Variants in SLC10A7 observed in about 807,000 individuals in gnomAD.
SLC10A7 encodes sodium/bile acid cotransporter 7.
In SLC10A7, 29 loss-of-function variants were observed where a neutral mutation model predicts 43.2. The ratio of observed to expected loss-of-function variants is 0.67; its 90% CI spans 0.50 to 0.92. The LOEUF is 0.92. Ranked by LOEUF, SLC10A7 falls within the 40% of genes least tolerant of loss-of-function variation. The probability of loss-of-function intolerance (pLI) is 0.00; values close to 1 mark genes in which losing one functional copy is unlikely to be tolerated. For missense variants in SLC10A7, 295 were observed against 403.2 expected, an observed-to-expected ratio of 0.73 and a Z score of 2.30; for synonymous variants, 152 against 144.8, an observed-to-expected ratio of 1.05 and a Z score of -0.35.
intron 5 of SLC10A7, among the ~76,000 whole-genome samples, chr4:146,415,818 A>G (rs1005229517): frequency 2.0e-5 from 3 of 152,208 alleles, no homozygotes; most frequent in African/African-American, 7.2e-5. Flanking sequence ...TATTTGCAGT[A>G]TGACTATTTT....
At chr4:146,357,555 A>C (rs984330219) in intron 5 of SLC10A7, among the ~76,000 whole-genome samples, 1 of 152,214 alleles carries the variant, frequency 6.6e-6, no homozygotes, top group African/African-American at 2.4e-5. Flanking sequence ...ACCTTAAAAC[A>C]ACAACCATGC....
At chr4:146,464,778 A>G (rs1468061960) in intron 4 of SLC10A7, among the ~76,000 whole-genome samples, 2 of 152,170 alleles carry the variant, frequency 1.3e-5, no homozygotes, top group Non-Finnish European at 2.9e-5. Context: ...TTTATGTAGA[A>G]TGATTTTAGG....
intron 5 of SLC10A7, among the ~76,000 whole-genome samples, chr4:146,351,335 A>G (rs1735084147): frequency 6.6e-6 from 1 of 151,822 alleles, no homozygotes; most frequent in South Asian, 2.1e-4. Context: ...TTAGAGAAAA[A>G]AGAATAAAAA....
At chr4:146,335,475 G>C (rs4835032) in intron 5 of SLC10A7, among the ~76,000 whole-genome samples, 124,242 of 151,854 alleles carry the variant, frequency 0.82, 51,635 homozygotes, top group African/African-American at 0.95. Flanking sequence ...TCTTTTATAA[G>C]AGGCAGAAAG....
At chr4:146,312,388 C>T (rs930150240) in intron 6 of SLC10A7, among the ~76,000 whole-genome samples, 3 of 152,088 alleles carry the variant, frequency 2.0e-5, no homozygotes, top group Non-Finnish European at 4.4e-5. Flanking sequence ...TATGATAAAG[C>T]TATTTAACAT....
intron 5 of SLC10A7, among the ~76,000 whole-genome samples, chr4:146,353,890 A>G (rs1226193666): frequency 7.5e-6 from 1 of 132,964 alleles, no homozygotes; most frequent in African/African-American, 2.9e-5. Flanking sequence ...ACGTATTTCA[A>G]AAAAATAAGA....
In SLC10A7 at chr4:146,355,948, G is replaced by A. The variant is rs1325471513; in HGVS notation, c.436-29952C>T. On this transcript the variant is annotated intron_variant, in intron 5 of 11. Transcript: ENST00000335472. Reference sequence around the variant, plus strand: ...AGACATACCTAATGCTAGATGACGCGTTAGTGGGTGCAGCGCACCAGCATG... The same window carrying A: ...AGACATACCTAATGCTAGATGACGCATTAGTGGGTGCAGCGCACCAGCATG... Among the ~76,000 whole-genome samples the A allele has an allele frequency of 1.3e-4, 19 of 150,152 alleles. No individual in the cohort carries two copies. The East Asian group carries it at 1.6e-3, about 12-fold the overall frequency.
intron 5 of SLC10A7, among the ~76,000 whole-genome samples, chr4:146,347,010 T>C (rs1332933017): frequency 1.3e-5 from 2 of 151,974 alleles, no homozygotes; most frequent in East Asian, 1.9e-4. Context: ...GGCCAGATAA[T>C]GGGGTTAAGG....
intron 3 of SLC10A7, among the ~76,000 whole-genome samples, chr4:146,505,085 GA>G (rs1196663805): frequency 2.0e-5 from 3 of 152,116 alleles, no homozygotes; most frequent in African/African-American, 7.2e-5. Context: ...CAGAGTATCT[GA>G]CTTAGATTTT....
chr4:146,323,689 T>C (rs191133648), intron 6 of SLC10A7, among the ~76,000 whole-genome samples: 148 of 152,262 alleles, frequency 9.7e-4, no homozygotes, highest in African/African-American at 3.4e-3. Context: ...TGGCTTAGGA[T>C]TGACTTGGCA....
chr4:146,519,352 T>G (rs186321781), intron 1 of SLC10A7, among the ~76,000 whole-genome samples: 314 of 146,324 alleles, frequency 2.1e-3, no homozygotes, highest in African/African-American at 6.3e-3. Context: ...TATCTATATA[T>G]AGAGAGAGAT....
intron 10 of SLC10A7, among the ~76,000 whole-genome samples, chr4:146,277,312 G>A (rs1450229020): frequency 6.6e-6 from 1 of 151,940 alleles, no homozygotes; most frequent in Non-Finnish European, 1.5e-5. Context: ...TAGAACCCTG[G>A]GGACTTTCTA....
At position 146,355,482 on chromosome 4, in the gene SLC10A7, G is replaced by A. The variant is rs1264538879; in HGVS notation, c.436-29486C>T. ...CAACCATTGTGGAAGTCAGTGTGGC[G>A]ATTCCTCAGGGATCTAGAACTAGAA... On this transcript the variant is annotated intron_variant, in intron 5 of 11. Coordinates refer to ENST00000335472, the MANE Select transcript of SLC10A7 (RefSeq NM_001029998.6). 8.5e-3 allele frequency among the ~76,000 whole-genome samples: 1,284 copies of A among 151,784 alleles called. 26 individuals are homozygous for A. The highest frequency in any genetic ancestry group is 0.029 in the African/African-American group (1,201 of 41,346).
chr4:146,283,299 T>C, intron 9 of SLC10A7, 34 bp from the exon 10 acceptor site: 3 of 1,571,618 alleles, frequency 1.9e-6, no homozygotes, highest in Non-Finnish European at 8.8e-7. Context: ...CAAATACTTT[T>C]ATAAAAAGCC....
intron 4 of SLC10A7, among the ~76,000 whole-genome samples, chr4:146,498,387 G>A (rs965037329): frequency 9.9e-5 from 15 of 151,770 alleles, no homozygotes; most frequent in Admixed American, 9.9e-4. Context: ...CAAAGTCCTG[G>A]GATTACAGAC....
At chr4:146,372,712 G>C (rs2149780813) in intron 5 of SLC10A7, among the ~76,000 whole-genome samples, 1 of 152,242 alleles carries the variant, frequency 6.6e-6, no homozygotes, top group African/African-American at 2.4e-5. Flanking sequence ...ATGAGTTACT[G>C]AAATATTTTG....
intron 5 of SLC10A7, among the ~76,000 whole-genome samples, chr4:146,370,744 CT>C (rs1371191092): frequency 6.6e-6 from 1 of 152,166 alleles, no homozygotes; most frequent in African/African-American, 2.4e-5. Context: ...ACTCTTCTTA[CT>C]TTCTTTGTCT....
At chr4:146,307,063 G>A (rs568407054) in intron 6 of SLC10A7, among the ~76,000 whole-genome samples, 1 of 152,280 alleles carries the variant, frequency 6.6e-6, no homozygotes, top group Admixed American at 6.5e-5. Context: ...GCTACATGAA[G>A]TCAATAGCTC....
chr4:146,519,095 A>G (rs1738323134), intron 1 of SLC10A7, among the ~76,000 whole-genome samples: 1 of 109,968 alleles, frequency 9.1e-6, no homozygotes, highest in African/African-American at 3.7e-5. Flanking sequence ...ATATATATAT[A>G]TATATATATA....
Sources: gnomAD v4.1 joint callset for allele counts (sites outside exome capture counted in the v4.1 genomes callset) on GRCh38, gnomAD v4.1.1 for gene constraint, MANE v1.5 for transcripts, NCBI Gene and HGNC (gene_info 2026-07-23, HGNC 2026-07-21) for gene names.